Variants in CCDC192 observed in about 807,000 individuals in gnomAD.
CCDC192 encodes the protein coiled-coil domain containing 192, also known as coiled-coil domain-containing protein 192.
At chr5:127,719,416 C>CATAT (rs60520857) in intron 2 of CCDC192, among the ~76,000 whole-genome samples, 4 of 141,402 alleles carry the variant, frequency 2.8e-5, no homozygotes, top group African/African-American at 1.1e-4. Context: ...TATATACATA[C>CATAT]ATATATATAT....
chr5:127,932,387 A>T (rs1754061376), intron 6 of CCDC192, among the ~76,000 whole-genome samples: 1 of 152,000 alleles, frequency 6.6e-6, no homozygotes, highest in Non-Finnish European at 1.5e-5. Context: ...TATTTTTAGT[A>T]GAGACAGGGT....
At chr5:127,839,224 A>G (rs1163661610) in intron 5 of CCDC192, among the ~76,000 whole-genome samples, 2 of 152,244 alleles carry the variant, frequency 1.3e-5, no homozygotes, top group African/African-American at 4.8e-5. Flanking sequence ...CTAAGTGTTA[A>G]ATTACAGTAC....
chr5:127,832,041 A>G (rs911542648), intron 5 of CCDC192, among the ~76,000 whole-genome samples: 71 of 152,108 alleles, frequency 4.7e-4, no homozygotes, highest in Non-Finnish European at 8.7e-4. Context: ...TGGCAAATCA[A>G]TTTTTAAAAA....
intron 5 of CCDC192, among the ~76,000 whole-genome samples, chr5:127,838,221 T>C (rs754260515): frequency 6.6e-6 from 1 of 152,180 alleles, no homozygotes. Context: ...CTACAGCACC[T>C]AGCACAATGT....
intron 5 of CCDC192, among the ~76,000 whole-genome samples, chr5:127,799,100 A>C (rs2126973093): frequency 6.6e-6 from 1 of 152,304 alleles, no homozygotes; most frequent in South Asian, 2.1e-4. Context: ...TCTTGATTAA[A>C]GATACTGACC....
chr5:127,862,008 TAAG>T (rs1751391835), intron 5 of CCDC192, among the ~76,000 whole-genome samples: 1 of 152,160 alleles, frequency 6.6e-6, no homozygotes, highest in African/African-American at 2.4e-5. Flanking sequence ...GAGTGGGAAA[TAAG>T]AACCAGAAGG....
chr5:127,858,111 A>C (rs1012181606), intron 5 of CCDC192, among the ~76,000 whole-genome samples: 2 of 152,238 alleles, frequency 1.3e-5, no homozygotes, highest in Non-Finnish European at 2.9e-5. Context: ...AACACCTAGA[A>C]CAATACTTAG....
At chr5:127,715,581 A>G (rs760673342) in intron 2 of CCDC192, among the ~76,000 whole-genome samples, 2 of 152,222 alleles carry the variant, frequency 1.3e-5, no homozygotes, top group Admixed American at 1.3e-4. Flanking sequence ...TTGTGGTTCC[A>G]TACCAATTTC....
At chr5:127,807,340 G>A (rs1281751668) in intron 5 of CCDC192, among the ~76,000 whole-genome samples, 5 of 152,112 alleles carry the variant, frequency 3.3e-5, no homozygotes, top group African/African-American at 1.2e-4. Flanking sequence ...ATTGCTTTCT[G>A]AAGAGAATCC....
rs1259718701 is a variant in CCDC192 at position 127,748,577 on chromosome 5, A to T, written c.115-5691A>T. ...GCTTTGTTCTTTTGGCTTAGGATTGACTTGGCGATTTGGGCTCTTTTTTGG... is the reference window on the plus strand; with the variant it reads ...GCTTTGTTCTTTTGGCTTAGGATTGTCTTGGCGATTTGGGCTCTTTTTTGG... On this transcript the variant is annotated intron_variant, in intron 2 of 6. Transcript: ENST00000514853. Among the ~76,000 whole-genome samples, 329 of 145,404 alleles carry T rather than the reference A, an allele frequency of 2.3e-3. 3 individuals carry two copies. The highest frequency in any genetic ancestry group is 6.3e-3 in the African/African-American group (253 of 40,042).
intron 5 of CCDC192, among the ~76,000 whole-genome samples, chr5:127,799,441 G>A (rs1047669001): frequency 1.3e-5 from 2 of 152,128 alleles, no homozygotes; most frequent in African/African-American, 4.8e-5. Flanking sequence ...TGTCTCATTA[G>A]CCAGTATTTT....
chr5:127,770,180 G>T (rs549412554), intron 3 of CCDC192, among the ~76,000 whole-genome samples: 2 of 152,254 alleles, frequency 1.3e-5, no homozygotes, highest in East Asian at 3.9e-4. Flanking sequence ...GAATGCCTGG[G>T]TTCAAATGAC....
Position 127,914,894 on chromosome 5 carries a change from A to G in CCDC192, c.536-26288A>G, listed in dbSNP as rs754733181. 1.0e-3 allele frequency among the ~76,000 whole-genome samples: 158 copies of G among 152,304 alleles called. 1 individual carries two copies. Among genetic ancestry groups the G allele is most frequent in the Non-Finnish European group, 2.0e-3 (139 of 68,034 alleles). On this transcript the variant is annotated intron_variant, in intron 6 of 6. Coordinates refer to ENST00000514853, the MANE Select transcript of CCDC192 (RefSeq NM_001317938.2). ...CCAAATGCATACAACAATCAATTGG[A>G]AGGGCCCAAGTTTGAACATGAATTG... is the stretch of plus-strand genomic sequence containing the variant.
At chr5:127,761,424 G>T (rs1469812546) in intron 3 of CCDC192, among the ~76,000 whole-genome samples, 1 of 152,120 alleles carries the variant, frequency 6.6e-6, no homozygotes. Context: ...CACACTAAAG[G>T]GTATCTGTGG....
At chr5:127,738,003 T>G (rs1053352393) in intron 2 of CCDC192, among the ~76,000 whole-genome samples, 2 of 152,166 alleles carry the variant, frequency 1.3e-5, no homozygotes, top group South Asian at 4.2e-4. Context: ...TGCTCGTTAG[T>G]TGATGCAGTT....
chr5:127,745,702 A>G (rs1444602893), intron 2 of CCDC192, among the ~76,000 whole-genome samples: 2 of 152,196 alleles, frequency 1.3e-5, no homozygotes, highest in East Asian at 3.8e-4. Flanking sequence ...AAACACCTAT[A>G]TATTGCCTAT....
intron 5 of CCDC192, among the ~76,000 whole-genome samples, chr5:127,819,770 C>T (rs1749198242): frequency 6.6e-6 from 1 of 152,096 alleles, no homozygotes; most frequent in South Asian, 2.1e-4. Context: ...AAACAATTTA[C>T]AGGGAGATTC....
At chr5:127,717,470 AG>A (rs1342081267) in intron 2 of CCDC192, among the ~76,000 whole-genome samples, 20 of 58,654 alleles carry the variant, frequency 3.4e-4, no homozygotes, top group African/African-American at 1.2e-3. Flanking sequence ...ATAGAAAGGT[AG>A]TAGTAATAGT....
intron 5 of CCDC192, among the ~76,000 whole-genome samples, chr5:127,819,968 C>T (rs1749206362): frequency 6.6e-6 from 1 of 152,138 alleles, no homozygotes; most frequent in African/African-American, 2.4e-5. Context: ...TATTTTAAAG[C>T]ACACACGCAC....
Sources: allele counts gnomAD v4.1 joint callset (sites outside exome capture counted in the v4.1 genomes callset), GRCh38; gene constraint gnomAD v4.1.1; transcripts MANE v1.5; gene names NCBI Gene and HGNC (gene_info 2026-07-23, HGNC 2026-07-21).